The following RALGPS1 variants were observed in gnomAD, a reference collection of about 807,000 sequenced individuals.
RALGPS1 encodes Ral GEF with PH domain and SH3 binding motif 1.
Under a neutral mutation model 78.8 loss-of-function variants are expected in RALGPS1, and 19 were observed. That is an observed-to-expected ratio of 0.24 (90% CI 0.17 to 0.35). The LOEUF (loss-of-function observed/expected upper bound fraction) is 0.35, where lower values mean the gene tolerates loss of function less well. Among genes scored for constraint, RALGPS1 ranks in the 10% least tolerant of loss-of-function variants. The probability of loss-of-function intolerance (pLI) is 1.00; values close to 1 mark genes in which losing one functional copy is unlikely to be tolerated. For synonymous variants in RALGPS1, 228 were observed against 256.3 expected (o/e 0.89, Z 1.06); for missense variants, 454 against 688.3 (o/e 0.66, Z 3.81).
chr9:127,083,675 C>T (rs1334622175), intron 8 of RALGPS1, among the ~76,000 whole-genome samples: 1 of 152,154 alleles, frequency 6.6e-6, no homozygotes, highest in Non-Finnish European at 1.5e-5. Flanking sequence ...AGAAACCAAA[C>T]TCATTTTTTC....
At chr9:127,088,754 G>A in intron 8 of RALGPS1, 1 of 668,288 alleles carries the variant, frequency 1.5e-6, no homozygotes, top group Non-Finnish European at 2.6e-6. Context: ...AAAGTAGGAG[G>A]GACAGAAAAC....
chr9:127,173,587 C>T (rs1390723347), intron 10 of RALGPS1, among the ~76,000 whole-genome samples: 2 of 152,152 alleles, frequency 1.3e-5, no homozygotes, highest in Non-Finnish European at 1.5e-5. Context: ...CTCACTCTGT[C>T]ATTTTCACCC....
chr9:126,921,427 A>G (rs1278659805), intron 1 of RALGPS1, among the ~76,000 whole-genome samples: 1 of 152,186 alleles, frequency 6.6e-6, no homozygotes, highest in Non-Finnish European at 1.5e-5. Flanking sequence ...ACCTGCACTG[A>G]TCATTCCATG....
chr9:127,165,975 T>G, intron 8 of RALGPS1, 94 bp from the exon 9 acceptor site: 1 of 1,441,988 alleles, frequency 6.9e-7, no homozygotes, highest in Non-Finnish European at 9.1e-7. Flanking sequence ...TAAGTCACCC[T>G]TTATATTTTT....
chr9:127,077,225 G>A (rs1348140503), intron 8 of RALGPS1, among the ~76,000 whole-genome samples: 1 of 152,210 alleles, frequency 6.6e-6, no homozygotes, highest in Non-Finnish European at 1.5e-5. Context: ...CTGGAGGAGT[G>A]AAGGCCAGTT....
rs1184847063 is a variant in RALGPS1 at position 127,222,896 on chromosome 9, GCTGT to G, written c.*4130_*4133del. On this transcript the variant is annotated 3_prime_UTR_variant, in exon 19 of 19. Coordinates refer to ENST00000259351, the MANE Select transcript of RALGPS1 (RefSeq NM_014636.3). ...TGTTAAATCTGTTGCACTCTCCTGG[GCTGT>G]CTTTTTCTCCAGCAGACCCCTGCAT... The G allele has an allele frequency of 2.0e-5, 3 of 152,538 alleles. No homozygotes were observed. Among genetic ancestry groups the G allele is most frequent in the East Asian group, 3.8e-4 (2 of 5,198 alleles). 9.4% of individuals were successfully genotyped at this position (152,538 alleles called of 1,614,324 possible).
At chr9:127,163,167 A>C (rs1437703262) in intron 8 of RALGPS1, among the ~76,000 whole-genome samples, 1 of 152,120 alleles carries the variant, frequency 6.6e-6, no homozygotes, top group East Asian at 1.9e-4. Flanking sequence ...GTCTGGAATA[A>C]AGCTGCCCTA....
intron 1 of RALGPS1, among the ~76,000 whole-genome samples, chr9:126,915,287 G>A (rs1264142767): frequency 7.1e-6 from 1 of 141,622 alleles, no homozygotes; most frequent in Non-Finnish European, 1.6e-5. Flanking sequence ...GCGGGGCCGG[G>A]GGGGCAGTTG....
At chr9:127,038,688 C>A (rs370185387) in intron 5 of RALGPS1, among the ~76,000 whole-genome samples, 1 of 152,104 alleles carries the variant, frequency 6.6e-6, no homozygotes, top group South Asian at 2.1e-4. Context: ...AGCTCATAGT[C>A]GAGTGTAGGA....
intron 4 of RALGPS1, among the ~76,000 whole-genome samples, chr9:127,015,914 C>T (rs374567708): frequency 1.3e-5 from 2 of 152,080 alleles, no homozygotes; most frequent in Admixed American, 1.3e-4. Context: ...TGGGGTTTAA[C>T]CCTTCTGCCC....
chr9:126,940,421 C>A (rs1271574962), intron 1 of RALGPS1, among the ~76,000 whole-genome samples: 1 of 150,008 alleles, frequency 6.7e-6, no homozygotes, highest in Non-Finnish European at 1.5e-5. Flanking sequence ...GTCCATTGGG[C>A]AGGTGTATGT....
intron 8 of RALGPS1, among the ~76,000 whole-genome samples, chr9:127,111,860 G>A (rs545466276): frequency 6.6e-6 from 1 of 152,340 alleles, no homozygotes; most frequent in South Asian, 2.1e-4. Flanking sequence ...AACTCTTAAC[G>A]ATGACACAGG....
At chr9:127,093,291 C>T (rs1294864665) in intron 8 of RALGPS1, among the ~76,000 whole-genome samples, 5 of 152,182 alleles carry the variant, frequency 3.3e-5, no homozygotes, top group Admixed American at 2.0e-4. Flanking sequence ...TGCCACAACT[C>T]CCTACCAGGA....
chr9:127,086,249 G>A (rs1035787255), intron 8 of RALGPS1, among the ~76,000 whole-genome samples: 2 of 152,204 alleles, frequency 1.3e-5, no homozygotes, highest in African/African-American at 4.8e-5. Flanking sequence ...TTAGGTAGAA[G>A]GATTGCTGGG....
At chr9:127,032,451 T>C (rs1200079104) in intron 4 of RALGPS1, among the ~76,000 whole-genome samples, 1 of 152,228 alleles carries the variant, frequency 6.6e-6, no homozygotes, top group Non-Finnish European at 1.5e-5. Flanking sequence ...AATTATCAGC[T>C]AGAAATTGGG....
intron 3 of RALGPS1, among the ~76,000 whole-genome samples, chr9:126,976,330 C>T (rs1043323814): frequency 4.0e-5 from 6 of 150,302 alleles, no homozygotes; most frequent in African/African-American, 1.5e-4. Flanking sequence ...CACACACACA[C>T]ACTTTCATAT....
intron 14 of RALGPS1, among the ~76,000 whole-genome samples, chr9:127,204,725 A>G (rs192420178): frequency 4.1e-4 from 63 of 152,156 alleles, no homozygotes; most frequent in African/African-American, 1.4e-3. Flanking sequence ...TGTGAGGTTT[A>G]CCTGTTCGTT....
At chr9:126,941,173 G>T (rs2036754834) in intron 1 of RALGPS1, among the ~76,000 whole-genome samples, 1 of 151,858 alleles carries the variant, frequency 6.6e-6, no homozygotes, top group Non-Finnish European at 1.5e-5. Flanking sequence ...TTGTGGGGGG[G>T]GGTTGTTGGG....
chr9:127,026,121 G>A (rs2134339160), intron 4 of RALGPS1, among the ~76,000 whole-genome samples: 1 of 152,178 alleles, frequency 6.6e-6, no homozygotes, highest in South Asian at 2.1e-4. Context: ...CCCATAATAG[G>A]CTGTCTGCAA....
Sources: allele counts gnomAD v4.1 joint callset (sites outside exome capture counted in the v4.1 genomes callset), GRCh38; gene constraint gnomAD v4.1.1; transcripts MANE v1.5; gene names NCBI Gene and HGNC (gene_info 2026-07-23, HGNC 2026-07-21).